Variants in MLYCD observed in about 807,000 individuals in gnomAD.
MLYCD encodes malonyl-CoA decarboxylase.
MLYCD carries 27 observed loss-of-function variants against 35.8 expected under a neutral mutation model. The observed-to-expected ratio is 0.75, with a 90% CI of 0.56 to 1.04. The LOEUF is 1.04. Ranked by LOEUF, MLYCD falls within the 50% of genes least tolerant of loss-of-function variation. The probability of loss-of-function intolerance (pLI) is 0.00; values close to 1 mark genes in which losing one functional copy is unlikely to be tolerated. For synonymous variants in MLYCD, 403 were observed against 302.4 expected, an observed-to-expected ratio of 1.33 and a Z score of -3.45; for missense variants, 917 against 665.1, an observed-to-expected ratio of 1.38 and a Z score of -4.17.
chr16:83,905,539 C>T (rs1597289593), intron 1 of MLYCD, among the ~76,000 whole-genome samples: 1 of 152,064 alleles, frequency 6.6e-6, no homozygotes, highest in Non-Finnish European at 1.5e-5. Flanking sequence ...GTTGCTCTGC[C>T]GAGAAAAACC....
chr16:83,912,479 G>C lies in MLYCD; in HGVS notation c.948+112G>C, dbSNP rs554441933. 1.7e-5 allele frequency: 24 copies of C among 1,427,744 alleles called. No homozygotes were observed. The African/African-American group carries it at 2.4e-4, about 14-fold the overall frequency. The allele number at this position is 1,427,744 out of a possible 1,614,324, so 88.4% of individuals were successfully genotyped here. A position where few individuals can be genotyped will look rare whatever the true frequency, so the allele number is the denominator to read the frequency against. ...GACACAGATGAAGACAGGAGCTAAAGGGAGGGGCAGGGGGTAGAAAAGGTG... is the reference window on the plus strand; with the variant it reads ...GACACAGATGAAGACAGGAGCTAAACGGAGGGGCAGGGGGTAGAAAAGGTG... On this transcript the variant is annotated intron_variant, in intron 4 of 4. Transcript: ENST00000262430.
chr16:83,901,608 C>T (rs1158192020), intron 1 of MLYCD, among the ~76,000 whole-genome samples: 1 of 152,204 alleles, frequency 6.6e-6, no homozygotes, highest in Non-Finnish European at 1.5e-5. Context: ...TCTGAATTCT[C>T]TGGTTCTGTG....
At chr16:83,912,111 A>G (rs1379932495) in intron 3 of MLYCD, 107 bp from the exon 4 acceptor site, 1 of 1,509,566 alleles carries the variant, frequency 6.6e-7, no homozygotes. Flanking sequence ...GGTCTCTTCC[A>G]GCTCCTTCAG....
Position 83,918,143 on chromosome 16 carries a change from T to C in MLYCD, c.*2654T>C, listed in dbSNP as rs1418529349. ...GGCGGCTCATCACATCACGTTACTC[T>C]TTAGGTCAAATGTAACCCTCCCGGT... is the stretch of plus-strand genomic sequence containing the variant. On this transcript the variant is annotated 3_prime_UTR_variant, in exon 5 of 5. Transcript: ENST00000262430. 6.6e-6 allele frequency: 1 copy of C among 152,236 alleles called. No individual in the cohort carries two copies. The highest frequency in any genetic ancestry group is 6.5e-5 in the Admixed American group (1 of 15,282). The allele number at this position is 152,236 out of a possible 1,614,324, so 9.4% of individuals were successfully genotyped here.
intron 4 of MLYCD, chr16:83,914,602 G>T (rs898135448): frequency 8.3e-6 from 3 of 363,090 alleles, no homozygotes; most frequent in Non-Finnish European, 1.6e-5. Flanking sequence ...CCAGGGTCTG[G>T]CACACATCAG....
At chr16:83,906,623 C>A (rs1346681616) in intron 1 of MLYCD, among the ~76,000 whole-genome samples, 1 of 152,164 alleles carries the variant, frequency 6.6e-6, no homozygotes, top group Non-Finnish European at 1.5e-5. Flanking sequence ...CTTAGTGTTT[C>A]CCTTACAGTG....
intron 3 of MLYCD, chr16:83,911,942 G>T: frequency 2.2e-6 from 1 of 460,644 alleles, no homozygotes. Context: ...GAGACAGAAA[G>T]GGGCATACAT....
intron 3 of MLYCD, among the ~76,000 whole-genome samples, chr16:83,908,694 C>T (rs2278040): frequency 0.072 from 11,003 of 152,196 alleles, 470 homozygotes; most frequent in East Asian, 0.11. Flanking sequence ...GGCACTCCAT[C>T]CCTTATGCTT....
At chr16:83,908,389 TAAA>T in intron 3 of MLYCD, 107 bp downstream of exon 3, 51 of 1,247,878 alleles carry the variant, frequency 4.1e-5, no homozygotes, top group Non-Finnish European at 4.6e-5. Context: ...TTTTTTTTTT[TAAA>T]TAAATGGTTT....
intron 4 of MLYCD, chr16:83,912,991 C>G (rs955890642): frequency 2.4e-5 from 4 of 164,644 alleles, no homozygotes; most frequent in African/African-American, 9.6e-5. Context: ...CAAAAACCAC[C>G]AGCCTCATCA....
Position 83,907,157 on chromosome 16 carries a change from TG to T in MLYCD, c.641+59del, listed in dbSNP as rs368820325. On this transcript the variant is annotated intron_variant, in intron 2 of 4. Transcript: ENST00000262430. ...TACATTTTTCATATATATTTGTGTA[TG>T]TTTTATATTGGCTAAAAGCTAATCT... The T allele has an allele frequency of 1.1e-5, 15 of 1,390,268 alleles. No homozygotes were observed. The African/African-American group carries it at 2.1e-4, about 20-fold the overall frequency. The allele number at this position is 1,390,268 out of a possible 1,614,324, so 86.1% of individuals were successfully genotyped here.
chr16:83,915,596 G>A lies in MLYCD; in HGVS notation c.*107G>A. 6.5e-7 allele frequency: 1 copy of A among 1,542,532 alleles called. No individual in the cohort carries two copies. The highest frequency in any genetic ancestry group is 8.7e-7 in the Non-Finnish European group (1 of 1,151,498). Reference sequence around the variant, plus strand: ...CAGCTTTCCAAGCAAAGCCAAAGTTGACTGTGTTCTTGTCCCGCAGCCGGT... The same window carrying A: ...CAGCTTTCCAAGCAAAGCCAAAGTTAACTGTGTTCTTGTCCCGCAGCCGGT... On this transcript the variant is annotated 3_prime_UTR_variant, in exon 5 of 5. Coordinates refer to ENST00000262430, the MANE Select transcript of MLYCD (RefSeq NM_012213.3).
intron 1 of MLYCD, among the ~76,000 whole-genome samples, chr16:83,902,841 T>C (rs962258028): frequency 2.6e-5 from 4 of 152,254 alleles, no homozygotes; most frequent in African/African-American, 7.2e-5. Flanking sequence ...TTTCCTCTGA[T>C]CTGAGTGAGT....
intron 1 of MLYCD, among the ~76,000 whole-genome samples, chr16:83,900,384 C>G (rs1906741780): frequency 6.6e-6 from 1 of 152,154 alleles, no homozygotes; most frequent in African/African-American, 2.4e-5. Flanking sequence ...AACATATACT[C>G]TTCTTTTATA....
In MLYCD at chr16:83,908,142, C is replaced by A. The variant is rs1295250260; in HGVS notation, c.658C>A (p.Pro220Thr). 1 of 1,614,182 alleles carries A rather than the reference C, an allele frequency of 6.2e-7. No individual in the cohort carries two copies. Among genetic ancestry groups the A allele is most frequent in the Admixed American group, 1.7e-5 (1 of 60,018 alleles). The change falls in exon 3 of 5, where the codon CCT becomes ACT. Residue 220 changes from proline to threonine, a missense_variant. By Grantham distance (38) the Pro-to-Thr change is conservative. Transcript: ENST00000262430. ...CCGCCCCAGGGCTGAGGCTGTGCAT[C>A]CTGTAAAAAACTGGATGGACATGAA... is the stretch of plus-strand genomic sequence containing the variant. ...QKISEAEAVH[P>T]VKNWMDMKRR...
At chr16:83,910,817 A>T (rs1907150235) in intron 3 of MLYCD, among the ~76,000 whole-genome samples, 1 of 151,958 alleles carries the variant, frequency 6.6e-6, no homozygotes, top group South Asian at 2.1e-4. Context: ...GCCTCGGAGG[A>T]TATGTCCTTC....
rs1907445154 is a variant in MLYCD, at chr16:83,917,206, T to C, written c.*1717T>C. On this transcript the variant is annotated 3_prime_UTR_variant, in exon 5 of 5. Transcript: ENST00000262430. Reference sequence around the variant, plus strand: ...GTGTGTGTCAGTGCACGTCTGTGTGTGCACGAGCGTCTCTGTGTGGATCAG... The same window carrying C: ...GTGTGTGTCAGTGCACGTCTGTGTGCGCACGAGCGTCTCTGTGTGGATCAG... The C allele has an allele frequency of 6.7e-6, 1 of 148,304 alleles. No homozygotes were observed. Among genetic ancestry groups the C allele is most frequent in the South Asian group, 2.1e-4 (1 of 4,688 alleles). 9.2% of individuals were successfully genotyped at this position (148,304 alleles called of 1,614,324 possible). A position where few individuals can be genotyped will look rare whatever the true frequency, so the allele number is the denominator to read the frequency against.
chr16:83,916,075 A>G lies in MLYCD; in HGVS notation c.*586A>G, dbSNP rs1404431356. 75 of 996,764 alleles carry G rather than the reference A, an allele frequency of 7.5e-5. No individual in the cohort carries two copies. Among genetic ancestry groups the G allele is most frequent in the Non-Finnish European group, 8.5e-5 (71 of 835,428 alleles). The allele number at this position is 996,764 out of a possible 1,614,324, so 61.7% of individuals were successfully genotyped here. On this transcript the variant is annotated 3_prime_UTR_variant, in exon 5 of 5. Transcript: ENST00000262430. ...GTAAGTTAAATTGTTGAACACAAAA[A>G]TGTTGCTGCTTGAGGCATAAGTTGG...
Position 83,924,562 on chromosome 16 carries a change from G to C in MLYCD, c.*9073G>C, listed in dbSNP as rs925754978. 7 of 152,220 alleles carry C rather than the reference G, an allele frequency of 4.6e-5. No individual in the cohort carries two copies. Among genetic ancestry groups the C allele is most frequent in the African/African-American group, 1.7e-4 (7 of 41,470 alleles). The allele number at this position is 152,220 out of a possible 1,614,324, so 9.4% of individuals were successfully genotyped here. Reference sequence around the variant, plus strand: ...TGGCAAATATTTTTGGTTCACTGAAGAAAGGCAGCCCTCACTCCTGCTGCT... The same window carrying C: ...TGGCAAATATTTTTGGTTCACTGAACAAAGGCAGCCCTCACTCCTGCTGCT... On this transcript the variant is annotated 3_prime_UTR_variant, in exon 5 of 5. Transcript: ENST00000262430.
Sources: allele counts gnomAD v4.1 joint callset (sites outside exome capture counted in the v4.1 genomes callset), GRCh38; gene constraint gnomAD v4.1.1; transcripts MANE v1.5; gene names NCBI Gene and HGNC (gene_info 2026-07-23, HGNC 2026-07-21).